GRAMD4: variants seen among roughly 807,000 people sequenced by gnomAD.
GRAMD4 encodes GRAM domain containing 4, also known as GRAM domain-containing protein 4.
In GRAMD4, 25 loss-of-function variants were observed where a neutral mutation model predicts 83.9. That is an observed-to-expected ratio of 0.30 (90% CI 0.22 to 0.42). GRAMD4 has a LOEUF of 0.42. GRAMD4 is among the 10% of genes least tolerant of loss of function. GRAMD4 has a pLI of 1.00. For synonymous variants in GRAMD4, 336 were observed against 320.9 expected, an observed-to-expected ratio of 1.05 and a Z score of -0.50; for missense variants, 593 against 788.7, an observed-to-expected ratio of 0.75 and a Z score of 2.97.
intron 2 of GRAMD4, among the ~76,000 whole-genome samples, chr22:46,636,319 C>G (rs1569278494): frequency 6.6e-6 from 1 of 152,202 alleles, no homozygotes; most frequent in Non-Finnish European, 1.5e-5. Flanking sequence ...TGGGACAGAC[C>G]CCAAGCAGCT....
chr22:46,584,744 G>A (rs906890533), intron 1 of GRAMD4, among the ~76,000 whole-genome samples: 5 of 152,216 alleles, frequency 3.3e-5, no homozygotes, highest in Non-Finnish European at 5.9e-5. Flanking sequence ...AAGGGAGGGA[G>A]GCTGCAGGAG....
At chr22:46,613,787 G>A (rs536429894) in intron 1 of GRAMD4, among the ~76,000 whole-genome samples, 29 of 152,324 alleles carry the variant, frequency 1.9e-4, no homozygotes, top group African/African-American at 6.7e-4. Flanking sequence ...CCCTGGAGGC[G>A]GGCTGCCCGG....
At chr22:46,589,387 T>C (rs1378162368) in intron 1 of GRAMD4, among the ~76,000 whole-genome samples, 3 of 76,056 alleles carry the variant, frequency 3.9e-5, no homozygotes, top group African/African-American at 1.0e-4. Flanking sequence ...AGCTCTGATA[T>C]GGGGGAGCCG....
chr22:46,609,704 G>A (rs1021109866), intron 1 of GRAMD4, among the ~76,000 whole-genome samples: 1 of 152,252 alleles, frequency 6.6e-6, no homozygotes, highest in African/African-American at 2.4e-5. Context: ...TGTGGAGTGC[G>A]AGTGCTTTGG....
chr22:46,639,783 C>T (rs1034623624), intron 3 of GRAMD4, among the ~76,000 whole-genome samples: 4 of 152,288 alleles, frequency 2.6e-5, no homozygotes, highest in South Asian at 2.1e-4. Context: ...GGACACTGGT[C>T]GTTCTGAGGA....
intron 1 of GRAMD4, among the ~76,000 whole-genome samples, chr22:46,611,913 T>C (rs138509): frequency 0.8 from 117,376 of 147,112 alleles, 47,410 homozygotes; most frequent in East Asian, 1. Context: ...AGGAGAATGG[T>C]GTGAACCCGG....
At chr22:46,606,597 T>C (rs2081367602) in intron 1 of GRAMD4, among the ~76,000 whole-genome samples, 3 of 131,988 alleles carry the variant, frequency 2.3e-5, no homozygotes, top group African/African-American at 5.4e-5. Flanking sequence ...TGCATGGGTT[T>C]ATTGACCGGT....
chr22:46,678,338 C>A lies in GRAMD4; in HGVS notation c.*1087C>A, dbSNP rs551803352. 1.0e-6 allele frequency: 1 copy of A among 985,504 alleles called. No individual in the cohort carries two copies. The highest frequency in any genetic ancestry group is 4.7e-5 in the South Asian group (1 of 21,294). The allele number at this position is 985,504 out of a possible 1,614,324, so 61.0% of individuals were successfully genotyped here. A position where few individuals can be genotyped will look rare whatever the true frequency, so the allele number is the denominator to read the frequency against. ...CTGGGCCTGCACTGCCTGCAGCCGA[C>A]ATGCGACAGCGTTCCCTCCCCCGCG... On this transcript the variant is annotated 3_prime_UTR_variant, in exon 19 of 19. Coordinates refer to ENST00000406902, the MANE Select transcript of GRAMD4 (RefSeq NM_015124.5).
chr22:46,677,504 A>C lies in GRAMD4; in HGVS notation c.*253A>C. On this transcript the variant is annotated 3_prime_UTR_variant, in exon 19 of 19. Coordinates refer to ENST00000406902, the MANE Select transcript of GRAMD4 (RefSeq NM_015124.5). ...CTGAGGGCCACCCGCAGACTGGGGG[A>C]GGGGGCAGAGGCCCTCGGGGGCCCG... 3 of 1,257,818 alleles carry C rather than the reference A, an allele frequency of 2.4e-6. No individual in the cohort carries two copies. Among genetic ancestry groups the C allele is most frequent in the Non-Finnish European group, 3.0e-6 (3 of 996,440 alleles). 77.9% of individuals were successfully genotyped at this position (1,257,818 alleles called of 1,614,324 possible).
intron 1 of GRAMD4, among the ~76,000 whole-genome samples, chr22:46,608,257 G>T (rs956385419): frequency 1.3e-5 from 2 of 152,198 alleles, no homozygotes; most frequent in Admixed American, 6.5e-5. Flanking sequence ...CATCAGGGCC[G>T]CCCGTGCTCT....
intron 2 of GRAMD4, among the ~76,000 whole-genome samples, chr22:46,629,337 G>A (rs1252713507): frequency 6.6e-6 from 1 of 152,188 alleles, no homozygotes; most frequent in Non-Finnish European, 1.5e-5. Flanking sequence ...TAAGTGAAAC[G>A]TACGTGGCTG....
chr22:46,661,315 G>A, intron 4 of GRAMD4, 66 bp from the exon 5 acceptor site: 1 of 1,286,078 alleles, frequency 7.8e-7, no homozygotes, highest in Non-Finnish European at 1.1e-6. Flanking sequence ...GCCCTCGGGG[G>A]TGCCTGACTG....
chr22:46,674,083 GGA>G (rs2082557250), intron 15 of GRAMD4, among the ~76,000 whole-genome samples: 1 of 152,252 alleles, frequency 6.6e-6, no homozygotes, highest in Non-Finnish European at 1.5e-5. Flanking sequence ...AACACACTGG[GGA>G]GAGAGTCCAG....
chr22:46,654,514 C>T (rs1172410309), intron 3 of GRAMD4, among the ~76,000 whole-genome samples: 1 of 151,950 alleles, frequency 6.6e-6, no homozygotes, highest in Non-Finnish European at 1.5e-5. Flanking sequence ...TCCACGAGGG[C>T]GGGGGGCTGG....
intron 3 of GRAMD4, among the ~76,000 whole-genome samples, chr22:46,644,551 C>A (rs537429134): frequency 6.6e-5 from 10 of 152,264 alleles, no homozygotes; most frequent in Non-Finnish European, 1.3e-4. Flanking sequence ...TTCTGTGTTA[C>A]ACCTGCCCCT....
At chr22:46,586,641 G>T (rs2081152840) in intron 1 of GRAMD4, among the ~76,000 whole-genome samples, 1 of 152,234 alleles carries the variant, frequency 6.6e-6, no homozygotes. Context: ...ACTGCACCCA[G>T]AGCTCTGGTG....
intron 3 of GRAMD4, among the ~76,000 whole-genome samples, chr22:46,644,458 TGTTACACCTGTCCCCGTTGCAG>T (rs2082037350): frequency 6.6e-6 from 1 of 151,958 alleles, no homozygotes; most frequent in Non-Finnish European, 1.5e-5. Context: ...CCCTTTTCCA[TGTTACACCTGTCCCCGTTGCAG>T]GTTACACCTG....
Position 46,672,924 on chromosome 22 carries a change from C to A in GRAMD4, c.1166C>A (p.Pro389His). 1 of 1,611,914 alleles carries A rather than the reference C, an allele frequency of 6.2e-7. No homozygotes were observed. Among genetic ancestry groups the A allele is most frequent in the Non-Finnish European group, 8.5e-7 (1 of 1,179,572 alleles). The change falls in exon 14 of 19, where the codon CCC becomes CAC. Residue 389 changes from proline to histidine, a missense_variant. Coordinates refer to ENST00000406902, the MANE Select transcript of GRAMD4 (RefSeq NM_015124.5). This position sits in a 1 kb window ranked among gnomAD's most constrained non-coding sequence, Gnocchi z 4.7. ...CPRLRAKYDT[P>H]YIIWRSLPTD... ...AGGCTGCGCGCCAAGTACGACACGC[C>A]CTATATCATCTGGAGGAGTCTCCCC...
chr22:46,596,045 G>T (rs2081259126), intron 1 of GRAMD4, among the ~76,000 whole-genome samples: 1 of 152,244 alleles, frequency 6.6e-6, no homozygotes, highest in African/African-American at 2.4e-5. Context: ...CATTAGGATG[G>T]GTTCACTTTC....
Sources: allele counts gnomAD v4.1 joint callset (sites outside exome capture counted in the v4.1 genomes callset), GRCh38; gene constraint gnomAD v4.1.1; non-coding constraint Gnocchi (gnomAD v3.1); transcripts MANE v1.5; gene names NCBI Gene and HGNC (gene_info 2026-07-23, HGNC 2026-07-21).